The following CYB5R4 variants were observed in gnomAD, a reference collection of about 807,000 sequenced individuals.
CYB5R4 encodes cytochrome b5 reductase 4.
Under a neutral mutation model 70.2 loss-of-function variants are expected in CYB5R4, and 55 were observed. The observed-to-expected ratio is 0.78, with a 90% confidence interval of 0.63 to 0.98. The LOEUF is 0.98. Ranked by LOEUF, CYB5R4 falls within the 50% of genes least tolerant of loss-of-function variation. The probability of loss-of-function intolerance (pLI) is 0.00; values close to 1 mark genes in which losing one functional copy is unlikely to be tolerated. For synonymous variants in CYB5R4, 197 were observed against 199.5 expected (o/e 0.99, Z 0.11); for missense variants, 562 against 612.6 (o/e 0.92, Z 0.87).
chr6:83,921,817 A>G (rs553124933), intron 8 of CYB5R4, among the ~76,000 whole-genome samples: 3 of 152,352 alleles, frequency 2.0e-5, no homozygotes, highest in Non-Finnish European at 2.9e-5. Context: ...CCAGATAACC[A>G]TATGAACACA....
chr6:83,953,188 T>C (rs1405590576), intron 14 of CYB5R4, among the ~76,000 whole-genome samples: 1 of 152,168 alleles, frequency 6.6e-6, no homozygotes, highest in Non-Finnish European at 1.5e-5. Context: ...ACTTAGCATA[T>C]ATAAGGCTTT....
At chr6:83,890,083 A>G (rs1456144123) in intron 2 of CYB5R4, among the ~76,000 whole-genome samples, 1 of 152,206 alleles carries the variant, frequency 6.6e-6, no homozygotes, top group Non-Finnish European at 1.5e-5. Flanking sequence ...CAGCCCATCA[A>G]TCCAGGAGCC....
chr6:83,870,971 C>CTTTTTTTTTTTTT (rs759131653), intron 2 of CYB5R4, among the ~76,000 whole-genome samples: 15 of 88,616 alleles, frequency 1.7e-4, no homozygotes, highest in East Asian at 3.2e-4. Context: ...TCATTGTTTG[C>CTTTTTTTTTTTTT]TTTTTTTTTT....
intron 2 of CYB5R4, among the ~76,000 whole-genome samples, chr6:83,864,833 G>C (rs1045338764): frequency 6.6e-6 from 1 of 152,140 alleles, no homozygotes; most frequent in African/African-American, 2.4e-5. Flanking sequence ...TTAGCTCAGA[G>C]TGCATTAGAA....
At chr6:83,873,235 CTTTTTTTTTT>C (rs927399068) in intron 2 of CYB5R4, among the ~76,000 whole-genome samples, 37 of 99,782 alleles carry the variant, frequency 3.7e-4, no homozygotes, top group Admixed American at 4.3e-4. Context: ...GGGTATCCTT[CTTTTTTTTTT>C]TTTTTTTTTT....
At chr6:83,953,682 A>G (rs1211634525) in intron 14 of CYB5R4, among the ~76,000 whole-genome samples, 6 of 152,274 alleles carry the variant, frequency 3.9e-5, no homozygotes, top group African/African-American at 1.2e-4. Flanking sequence ...ATGAGATATA[A>G]GAACCTGATC....
Position 83,914,450 on chromosome 6 carries a change from T to C in CYB5R4, c.445+2T>C, listed in dbSNP as rs1191807744. ...AGGAGGAAAAGAAAGTCTTAAATGG[T>C]AAGTCTATAAATTTATAATAAATGA... On this transcript the variant is annotated splice_donor_variant, in intron 5 of 15. Coordinates refer to ENST00000369681, the MANE Select transcript of CYB5R4 (RefSeq NM_016230.4). LOFTEE classifies it high-confidence loss of function. 6.6e-7 allele frequency: 1 copy of C among 1,518,348 alleles called. No individual in the cohort carries two copies. The highest frequency in any genetic ancestry group is 2.3e-5 in the East Asian group (1 of 42,572). The allele number at this position is 1,518,348 out of a possible 1,614,324, so 94.1% of individuals were successfully genotyped here.
chr6:83,902,761 C>G (rs1391491164), intron 3 of CYB5R4, among the ~76,000 whole-genome samples: 2 of 151,862 alleles, frequency 1.3e-5, no homozygotes, highest in Non-Finnish European at 2.9e-5. Context: ...TTAAATTTAT[C>G]TGTAGCTTTC....
At chr6:83,899,477 C>T (rs1229380909) in intron 3 of CYB5R4, among the ~76,000 whole-genome samples, 1 of 152,162 alleles carries the variant, frequency 6.6e-6, no homozygotes. Flanking sequence ...ATGCTGGCCT[C>T]ATAAAATGAG....
chr6:83,934,842 C>A, intron 11 of CYB5R4, 107 bp downstream of exon 11: 1 of 1,044,212 alleles, frequency 9.6e-7, no homozygotes, highest in Non-Finnish European at 1.4e-6. Context: ...ATAAATGTTT[C>A]CAGGCAGCTA....
In CYB5R4 at chr6:83,934,703, G is replaced by C. The variant is rs1427398804; in HGVS notation, c.923G>C (p.Gly308Ala). Residue 308 changes from glycine to alanine, a missense_variant, in exon 11 of 16, where the codon GGG becomes GCG. Gly to Ala is a moderately conservative substitution (Grantham distance 60). Coordinates refer to ENST00000369681, the MANE Select transcript of CYB5R4 (RefSeq NM_016230.4). ...PPSTHLQVPI[G>A]QHVYLKLPIT... ...AGCACTCATCTTCAAGTGCCCATTG[G>C]GCAACATGTTTACCTCAAGCTACCT... 1.2e-6 allele frequency: 2 copies of C among 1,613,404 alleles called. No homozygotes were observed. Among genetic ancestry groups the C allele is most frequent in the Non-Finnish European group, 1.7e-6 (2 of 1,179,746 alleles).
chr6:83,905,970 C>T (rs1160806071), intron 3 of CYB5R4, among the ~76,000 whole-genome samples: 1 of 152,118 alleles, frequency 6.6e-6, no homozygotes, highest in Non-Finnish European at 1.5e-5. Context: ...GTTCAGGTGC[C>T]AGTGTGTTGG....
At chr6:83,936,051 A>G (rs890664900) in intron 11 of CYB5R4, among the ~76,000 whole-genome samples, 173 bp from the exon 12 acceptor site, 2 of 152,136 alleles carry the variant, frequency 1.3e-5, no homozygotes, top group Admixed American at 6.5e-5. Context: ...TTCGGCACAC[A>G]TAGGCTTGGG....
chr6:83,897,049 A>T (rs2099462023), intron 3 of CYB5R4, among the ~76,000 whole-genome samples: 1 of 149,366 alleles, frequency 6.7e-6, no homozygotes, highest in Non-Finnish European at 1.5e-5. Flanking sequence ...TCCTAATGCT[A>T]TCCCTCCCCC....
At chr6:83,945,944 CA>C (rs752122470) in intron 14 of CYB5R4, among the ~76,000 whole-genome samples, 1 of 151,942 alleles carries the variant, frequency 6.6e-6, no homozygotes, top group Non-Finnish European at 1.5e-5. Flanking sequence ...GCCTACCAAA[CA>C]AAAAAAGCTC....
rs2099474144 is a variant in CYB5R4 at position 83,966,737 on chromosome 6, G to A, written c.*6859G>A. The stretch of plus-strand genomic sequence containing the variant: ...AGGATTCTAGAGGAAGTGGTAAATA[G>A]TGAAGATAGGCAAAGAATATCCAAC... On this transcript the variant is annotated 3_prime_UTR_variant, in exon 16 of 16. Coordinates refer to ENST00000369681, the MANE Select transcript of CYB5R4 (RefSeq NM_016230.4). The A allele has an allele frequency of 6.6e-6, 1 of 152,014 alleles. No individual in the cohort carries two copies. Among genetic ancestry groups the A allele is most frequent in the Non-Finnish European group, 1.5e-5 (1 of 67,980 alleles). The allele number at this position is 152,014 out of a possible 1,614,324, so 9.4% of individuals were successfully genotyped here.
chr6:83,920,865 T>C (rs2099466264), intron 7 of CYB5R4, among the ~76,000 whole-genome samples: 1 of 152,118 alleles, frequency 6.6e-6, no homozygotes, highest in South Asian at 2.1e-4. Flanking sequence ...AAGGTAGATA[T>C]TAAACAGAGA....
intron 14 of CYB5R4, among the ~76,000 whole-genome samples, chr6:83,952,814 T>TG (rs1554423413): frequency 9.7e-6 from 1 of 103,076 alleles, no homozygotes; most frequent in East Asian, 3.2e-4. Flanking sequence ...TGACACTCTG[T>TG]GGCTCATCTC....
Position 83,955,475 on chromosome 6 carries a change from G to A in CYB5R4, c.1511+13G>A. ...AACAAGGAGTAAGGTGAGTAACAGT[G>A]TAGTAGGAAACAGACTGCCCAACAC... On this transcript the variant is annotated intron_variant, in intron 15 of 15. Transcript: ENST00000369681. 3 of 1,609,034 alleles carry A rather than the reference G, an allele frequency of 1.9e-6. No homozygotes were observed. Among genetic ancestry groups the A allele is most frequent in the South Asian group, 2.2e-5 (2 of 90,296 alleles).
Sources: allele counts gnomAD v4.1 joint callset (sites outside exome capture counted in the v4.1 genomes callset), GRCh38; gene constraint gnomAD v4.1.1; transcripts MANE v1.5; gene names NCBI Gene and HGNC (gene_info 2026-07-23, HGNC 2026-07-21).